Variants in DGKB observed in about 807,000 individuals in gnomAD.
The protein encoded by DGKB is diacylglycerol kinase beta, also known as 90 kDa diacylglycerol kinase.
DGKB carries 67 observed loss-of-function variants against 114.3 expected under a neutral mutation model. That is an observed-to-expected ratio of 0.59 (90% CI 0.48 to 0.72). The LOEUF (loss-of-function observed/expected upper bound fraction) is 0.72. Among genes scored for constraint, DGKB ranks in the 30% least tolerant of loss-of-function variants. The pLI, the probability that DGKB is intolerant of heterozygous loss-of-function variation, is 0.00. For missense variants in DGKB, 907 were observed against 975.2 expected (o/e 0.93, Z 0.93); for synonymous variants, 398 against 323.1 (o/e 1.23, Z -2.49).
intron 1 of DGKB, among the ~76,000 whole-genome samples, chr7:14,892,393 C>T (rs953140050): frequency 6.6e-6 from 1 of 150,988 alleles, no homozygotes; most frequent in East Asian, 1.9e-4. Context: ...AGGAAAATTG[C>T]CATACAGACC....
intron 21 of DGKB, among the ~76,000 whole-genome samples, chr7:14,427,609 C>A (rs553611130): frequency 1.7e-4 from 26 of 152,254 alleles, no homozygotes; most frequent in African/African-American, 6.3e-4. Flanking sequence ...GTTTTCTTTA[C>A]AGTTCCACAT....
chr7:14,503,309 G>C (rs546482406), intron 20 of DGKB, among the ~76,000 whole-genome samples: 1 of 152,076 alleles, frequency 6.6e-6, no homozygotes, highest in African/African-American at 2.4e-5. Context: ...CTCCACATTT[G>C]TGTGTCTGTC....
At chr7:14,204,765 A>G (rs1288949514) in intron 23 of DGKB, among the ~76,000 whole-genome samples, 1 of 152,014 alleles carries the variant, frequency 6.6e-6, no homozygotes, top group Non-Finnish European at 1.5e-5. Flanking sequence ...AGGGATGTTA[A>G]AAACAGGGCC....
At chr7:14,312,562 GT>G (rs1455055503) in intron 23 of DGKB, among the ~76,000 whole-genome samples, 2 of 152,116 alleles carry the variant, frequency 1.3e-5, no homozygotes, top group Non-Finnish European at 2.9e-5. Flanking sequence ...TTTTAGTATT[GT>G]TTGTGGTGAA....
intron 2 of DGKB, among the ~76,000 whole-genome samples, chr7:14,765,893 G>T (rs1836377880): frequency 6.6e-6 from 1 of 151,896 alleles, no homozygotes; most frequent in East Asian, 1.9e-4. Flanking sequence ...TGTGAAGGGT[G>T]CCTACTGTAG....
intron 23 of DGKB, among the ~76,000 whole-genome samples, chr7:14,239,338 A>T (rs977082680): frequency 1.3e-5 from 2 of 152,080 alleles, no homozygotes; most frequent in Non-Finnish European, 2.9e-5. Context: ...GCAAAGTTTA[A>T]AGCTCATAGG....
At chr7:14,192,677 T>C (rs372463841) in intron 23 of DGKB, among the ~76,000 whole-genome samples, 1 of 152,140 alleles carries the variant, frequency 6.6e-6, no homozygotes, top group East Asian at 1.9e-4. Context: ...GGGAGGTGGT[T>C]TTGAGATGAT....
chr7:14,573,673 T>C (rs540358539), intron 20 of DGKB, among the ~76,000 whole-genome samples: 1 of 152,062 alleles, frequency 6.6e-6, no homozygotes, highest in Admixed American at 6.6e-5. Flanking sequence ...CTATTTCAAC[T>C]GCCATATAAT....
chr7:14,893,828 C>T (rs1373007545), intron 1 of DGKB, among the ~76,000 whole-genome samples: 1 of 151,344 alleles, frequency 6.6e-6, no homozygotes, highest in Non-Finnish European at 1.5e-5. Flanking sequence ...CTCCCCATCT[C>T]CTATAGCAAC....
intron 1 of DGKB, among the ~76,000 whole-genome samples, chr7:14,923,318 G>T (rs578126563): frequency 6.6e-6 from 1 of 152,024 alleles, no homozygotes; most frequent in Non-Finnish European, 1.5e-5. Context: ...TTGCACTTTT[G>T]TTCTTTTTCT....
chr7:14,851,206 TA>T (rs1439730299), intron 1 of DGKB, among the ~76,000 whole-genome samples: 4 of 152,200 alleles, frequency 2.6e-5, no homozygotes, highest in Non-Finnish European at 4.4e-5. Context: ...ATAATTGTGT[TA>T]TTTTTGGACT....
rs1048094571 is a variant in DGKB, at chr7:14,718,609, G to A, written c.399C>T (p.Ile133=). Residue 133 remains isoleucine, a synonymous_variant, in exon 6 of 26, where the codon ATC becomes ATT. Coordinates refer to ENST00000402815, the MANE Select transcript of DGKB (RefSeq NM_001350709.2). ...SPANTCSPEV[I]HLKDIVCYLS... ...GGTAACAGACAATGTCCTTCAGATG[G>A]ATTACTTCTGGGGAACACGTATTTG... is the stretch of plus-strand genomic sequence containing the variant. 6.8e-6 allele frequency: 11 copies of A among 1,611,534 alleles called. No homozygotes were observed. In the Admixed American group the frequency reaches 1.2e-4, roughly 17 times the overall value.
At chr7:14,658,875 T>A (rs1816411321) in intron 13 of DGKB, among the ~76,000 whole-genome samples, 2 of 151,934 alleles carry the variant, frequency 1.3e-5, no homozygotes, top group South Asian at 4.1e-4. Context: ...TCATAATTTA[T>A]CTTGATGGTA....
At chr7:14,883,751 C>T (rs1854598048) in intron 1 of DGKB, among the ~76,000 whole-genome samples, 1 of 151,944 alleles carries the variant, frequency 6.6e-6, no homozygotes. Flanking sequence ...GATTCAGGAG[C>T]TCTGCAAATA....
At chr7:14,306,563 T>C (rs740398) in intron 23 of DGKB, among the ~76,000 whole-genome samples, 1,893 of 152,234 alleles carry the variant, frequency 0.012, 43 homozygotes, top group African/African-American at 0.043. Context: ...TCTTTTTTTC[T>C]GAGAATCTGT....
intron 1 of DGKB, among the ~76,000 whole-genome samples, chr7:14,890,043 A>C (rs1462173515): frequency 3.3e-5 from 5 of 151,596 alleles, no homozygotes; most frequent in Non-Finnish European, 4.4e-5. Context: ...TTACCTAATC[A>C]TAAAATCTAA....
chr7:14,146,429 C>T lies in DGKB; in HGVS notation c.*2702G>A, dbSNP rs967945537. On this transcript the variant is annotated 3_prime_UTR_variant, in exon 26 of 26. Transcript: ENST00000402815. ...TCAGCCACTTAAAACTTTATGTCTCCTATATTAAAAGAGGGCGACTCAATA... is the reference window on the plus strand; with the variant it reads ...TCAGCCACTTAAAACTTTATGTCTCTTATATTAAAAGAGGGCGACTCAATA... 18 of 152,228 alleles carry T rather than the reference C, an allele frequency of 1.2e-4. 1 individual carries two copies. In the South Asian group the frequency reaches 3.3e-3, roughly 28 times the overall value. 9.4% of individuals were successfully genotyped at this position (152,228 alleles called of 1,614,324 possible). A position where few individuals can be genotyped will look rare whatever the true frequency, so the allele number is the denominator to read the frequency against.
At chr7:14,539,131 A>ATCC (rs1456111704) in intron 20 of DGKB, among the ~76,000 whole-genome samples, 1 of 152,156 alleles carries the variant, frequency 6.6e-6, no homozygotes, top group Admixed American at 6.5e-5. Context: ...CAGAGTAGAT[A>ATCC]TCCTGTTAAT....
chr7:14,152,860 G>A (rs555519714), intron 25 of DGKB, among the ~76,000 whole-genome samples: 5 of 152,072 alleles, frequency 3.3e-5, no homozygotes, highest in East Asian at 1.9e-4. Flanking sequence ...AAAAAATAAC[G>A]TTGATCTGGC....
Sources: allele counts gnomAD v4.1 joint callset (sites outside exome capture counted in the v4.1 genomes callset), GRCh38; gene constraint gnomAD v4.1.1; transcripts MANE v1.5; gene names NCBI Gene and HGNC (gene_info 2026-07-23, HGNC 2026-07-21).